The following EVI5L variants were observed in gnomAD, a reference collection of about 807,000 sequenced individuals.
EVI5L encodes ecotropic viral integration site 5 like.
A neutral mutation model predicts 106.1 loss-of-function variants in EVI5L; 30 were observed. The observed-to-expected ratio is 0.28, with a 90% confidence interval of 0.21 to 0.38. The LOEUF is 0.38. Among genes scored for constraint, EVI5L ranks in the 10% least tolerant of loss-of-function variants. EVI5L has a pLI of 1.00. For missense variants in EVI5L, 809 were observed against 1,098.0 expected, an observed-to-expected ratio of 0.74 and a Z score of 3.72; for synonymous variants, 489 against 483.3, an observed-to-expected ratio of 1.01 and a Z score of -0.15.
rs546488739 is a variant in EVI5L at position 7,863,715 on chromosome 19, C to G, written c.*13C>G. On this transcript the variant is annotated 3_prime_UTR_variant, in exon 20 of 20. Transcript: ENST00000538904. The surrounding 1 kb of genome is among the most constrained non-coding windows in gnomAD (Gnocchi z 7.7). Reference sequence around the variant, plus strand: ...TCTGGACAACTGAGGCCATGCCCAGCGCGCCCGGAGTCAGGAGGCCGCAGC... The same window carrying G: ...TCTGGACAACTGAGGCCATGCCCAGGGCGCCCGGAGTCAGGAGGCCGCAGC... The G allele has an allele frequency of 2.1e-5, 31 of 1,452,002 alleles. No individual in the cohort carries two copies. The highest frequency in any genetic ancestry group is 2.8e-5 in the Non-Finnish European group (31 of 1,106,376). 89.9% of individuals were successfully genotyped at this position (1,452,002 alleles called of 1,614,324 possible).
At chr19:7,853,966 C>T (rs1178868880) in intron 10 of EVI5L, among the ~76,000 whole-genome samples, 1 of 152,166 alleles carries the variant, frequency 6.6e-6, no homozygotes, top group Non-Finnish European at 1.5e-5. Context: ...TCCCTTTACA[C>T]GTGATTTTAG....
At position 7,863,393 on chromosome 19, in the gene EVI5L, C is replaced by G. The variant is rs1258302549; in HGVS notation, c.2140-31C>G. 2.0e-6 allele frequency: 3 copies of G among 1,530,750 alleles called. No individual in the cohort carries two copies. Among genetic ancestry groups the G allele is most frequent in the Non-Finnish European group, 2.6e-6 (3 of 1,139,246 alleles). The allele number at this position is 1,530,750 out of a possible 1,614,324, so 94.8% of individuals were successfully genotyped here. ...TGGGAGGGCGGGGCAGAAGGCCGGT[C>G]CACGCCTGCAGCGCCGGTCCCCCGC... On this transcript the variant is annotated intron_variant, in intron 19 of 19. Transcript: ENST00000538904. The surrounding 1 kb of genome is among the most constrained non-coding windows in gnomAD (Gnocchi z 7.7).
In EVI5L at chr19:7,856,760, C is replaced by T. The variant is rs953430115; in HGVS notation, c.1201-332C>T. 6.6e-6 allele frequency among the ~76,000 whole-genome samples: 1 copy of T among 152,136 alleles called. No homozygotes were observed. The highest frequency in any genetic ancestry group is 1.5e-5 in the Non-Finnish European group (1 of 68,006). On this transcript the variant is annotated intron_variant, in intron 11 of 19. Transcript: ENST00000538904. This position sits in a 1 kb window ranked among gnomAD's most constrained non-coding sequence, Gnocchi z 6.6. ...CCGCACGAAGCCAAAAGTCCCCCTG[C>T]CCCCCACAGTTTTTCCAGCCAGCAG...
rs923350215 is a variant in EVI5L, at chr19:7,863,890, G to A, written c.*188G>A. 2 of 768,500 alleles carry A rather than the reference G, an allele frequency of 2.6e-6. No homozygotes were observed. The highest frequency in any genetic ancestry group is 3.1e-5 in the East Asian group (1 of 31,972). The allele number at this position is 768,500 out of a possible 1,614,324, so 47.6% of individuals were successfully genotyped here. Reference sequence around the variant, plus strand: ...CGACCTGGGCTCCTCAGGGCCCCGGGGCAGGCTCTCTATCCCCAGCAGTGT... The same window carrying A: ...CGACCTGGGCTCCTCAGGGCCCCGGAGCAGGCTCTCTATCCCCAGCAGTGT... On this transcript the variant is annotated 3_prime_UTR_variant, in exon 20 of 20. Coordinates refer to ENST00000538904, the MANE Select transcript of EVI5L (RefSeq NM_001159944.3). This position sits in a 1 kb window ranked among gnomAD's most constrained non-coding sequence, Gnocchi z 7.7.
chr19:7,862,360 C>G (rs1245768135), intron 16 of EVI5L, 28 bp from the exon 17 acceptor site: 1 of 1,584,690 alleles, frequency 6.3e-7, no homozygotes, highest in East Asian at 2.3e-5. Context: ...CGCCGCCGTC[C>G]TCCGTCCTCC....
chr19:7,846,389 G>A (rs1194498323), intron 1 of EVI5L, 107 bp from the exon 2 acceptor site: 6 of 1,046,264 alleles, frequency 5.7e-6, no homozygotes, highest in Non-Finnish European at 8.1e-6. Flanking sequence ...ACGGACGGGG[G>A]TGGACCAGAG....
chr19:7,856,119 C>T lies in EVI5L; in HGVS notation c.1200+51C>T. ...CATGGTCGCCATGGGGTGTGACCCA[C>T]CATGCGGGGCATGGCCGCTAACCTG... On this transcript the variant is annotated intron_variant, in intron 11 of 19. Transcript: ENST00000538904. The surrounding 1 kb of genome is among the most constrained non-coding windows in gnomAD (Gnocchi z 6.6). The T allele has an allele frequency of 7.6e-7, 1 of 1,308,194 alleles. No individual in the cohort carries two copies. Among genetic ancestry groups the T allele is most frequent in the Non-Finnish European group, 9.8e-7 (1 of 1,016,362 alleles). 81.0% of individuals were successfully genotyped at this position (1,308,194 alleles called of 1,614,324 possible). A position where few individuals can be genotyped will look rare whatever the true frequency, so the allele number is the denominator to read the frequency against.
chr19:7,849,052 G>C lies in EVI5L; in HGVS notation c.459G>C (p.Leu153=), dbSNP rs201624350. 98 of 1,613,428 alleles carry C rather than the reference G, an allele frequency of 6.1e-5. No individual in the cohort carries two copies. In the East Asian group the frequency reaches 1.2e-3, roughly 20 times the overall value. The change falls in exon 4 of 20, where the codon CTG becomes CTC. Residue 153 remains leucine, a synonymous_variant. Transcript: ENST00000538904. ...LLKMSSPCEK[L]IRRDIARTYP... is the part of the protein sequence containing the mutation. ...AGATGTCCTCGCCGTGCGAGAAGCT[G>C]ATCCGCAGGGACATCGCCCGCACCT...
In EVI5L at chr19:7,839,260, G is replaced by T. The variant is rs553976354; in HGVS notation, c.-47-7236G>T. ...GGAGCTTGCAGTGAGCCGAGATCGC[G>T]CCACTGCACTCCAGCCTGGGCGACA... On this transcript the variant is annotated intron_variant, in intron 1 of 19. Coordinates refer to ENST00000538904, the MANE Select transcript of EVI5L (RefSeq NM_001159944.3). 8.8e-5 allele frequency among the ~76,000 whole-genome samples: 13 copies of T among 147,556 alleles called. No individual in the cohort carries two copies. The South Asian group carries it at 2.8e-3, about 32-fold the overall frequency.
At chr19:7,851,286 G>C (rs1460825623) in intron 6 of EVI5L, 148 bp from the exon 7 acceptor site, 2 of 922,324 alleles carry the variant, frequency 2.2e-6, no homozygotes, top group Non-Finnish European at 1.6e-6. Context: ...CCCTCAGACA[G>C]AGTGCTGAGG....
At position 7,858,122 on chromosome 19, in the gene EVI5L, G is replaced by A. The variant is rs1173724516; in HGVS notation, c.1234-69G>A. On this transcript the variant is annotated intron_variant, in intron 12 of 19. Transcript: ENST00000538904. The surrounding 1 kb of genome is among the most constrained non-coding windows in gnomAD (Gnocchi z 5.7). ...ACTCTCTGGGCCTCCCCCTGTGGCG[G>A]GAGGCAGGGCCTTGGGTGGGAGCCG... 1.3e-6 allele frequency: 2 copies of A among 1,515,180 alleles called. No homozygotes were observed. Among genetic ancestry groups the A allele is most frequent in the Non-Finnish European group, 1.8e-6 (2 of 1,128,044 alleles). 93.9% of individuals were successfully genotyped at this position (1,515,180 alleles called of 1,614,324 possible). A position where few individuals can be genotyped will look rare whatever the true frequency, so the allele number is the denominator to read the frequency against.
intron 1 of EVI5L, among the ~76,000 whole-genome samples, chr19:7,842,987 G>A (rs894748410): frequency 5.9e-5 from 9 of 151,878 alleles, no homozygotes; most frequent in South Asian, 2.1e-4. Flanking sequence ...GGATGAGCAC[G>A]TGTGTTGAGT....
At chr19:7,831,050 C>G (rs1047027803) in intron 1 of EVI5L, among the ~76,000 whole-genome samples, 2 of 151,214 alleles carry the variant, frequency 1.3e-5, no homozygotes, top group Middle Eastern at 3.4e-3. Flanking sequence ...CAAGGGCACC[C>G]CTAAACACCA....
At chr19:7,852,938 C>A in intron 8 of EVI5L, 148 bp from the exon 9 acceptor site, 1 of 722,436 alleles carries the variant, frequency 1.4e-6, no homozygotes, top group Non-Finnish European at 2.4e-6. Context: ...TTCCATTGCT[C>A]CACAAACACT....
chr19:7,856,956 C>A lies in EVI5L; in HGVS notation c.1201-136C>A. 1.1e-6 allele frequency: 1 copy of A among 901,442 alleles called. No homozygotes were observed. The highest frequency in any genetic ancestry group is 1.6e-5 in the African/African-American group (1 of 61,014). 55.8% of individuals were successfully genotyped at this position (901,442 alleles called of 1,614,324 possible). A position where few individuals can be genotyped will look rare whatever the true frequency, so the allele number is the denominator to read the frequency against. On this transcript the variant is annotated intron_variant, in intron 11 of 19. Coordinates refer to ENST00000538904, the MANE Select transcript of EVI5L (RefSeq NM_001159944.3). The surrounding 1 kb of genome is among the most constrained non-coding windows in gnomAD (Gnocchi z 6.6). ...CTCTCCTGCTGGTTCTCTGGTCTTC[C>A]CTCCTCTCTCCCCCGCTTCTAGAGA...
Position 7,851,591 on chromosome 19 carries a change from G to A in EVI5L, c.897+14G>A, listed in dbSNP as rs1293129433. ...TTCATGTATGAGGTGAGGACCGATG[G>A]TGCCTGGGGAGGGAAGAGAGCCCCT... On this transcript the variant is annotated intron_variant, in intron 7 of 19. Transcript: ENST00000538904. 1.2e-6 allele frequency: 2 copies of A among 1,604,796 alleles called. No individual in the cohort carries two copies. Among genetic ancestry groups the A allele is most frequent in the South Asian group, 2.2e-5 (2 of 89,462 alleles).
intron 1 of EVI5L, among the ~76,000 whole-genome samples, chr19:7,842,878 T>A (rs546844764): frequency 6.6e-6 from 1 of 151,864 alleles, no homozygotes; most frequent in East Asian, 1.9e-4. Flanking sequence ...TATGTGTGAA[T>A]GTGCATGGGT....
rs1445006029 is a variant in EVI5L, at chr19:7,848,190, C to T, written c.327+269C>T. On this transcript the variant is annotated intron_variant, in intron 3 of 19. Coordinates refer to ENST00000538904, the MANE Select transcript of EVI5L (RefSeq NM_001159944.3). This position sits in a 1 kb window ranked among gnomAD's most constrained non-coding sequence, Gnocchi z 4.8. Reference sequence around the variant, plus strand: ...TGAAGGATGGGGGTGTGGTGGCTCACGCCTGGAATCTCAGCACTTTGGGCG... The same window carrying T: ...TGAAGGATGGGGGTGTGGTGGCTCATGCCTGGAATCTCAGCACTTTGGGCG... Among the ~76,000 whole-genome samples, 2 of 152,062 alleles carry T rather than the reference C, an allele frequency of 1.3e-5. No individual in the cohort carries two copies. Among genetic ancestry groups the T allele is most frequent in the Non-Finnish European group, 2.9e-5 (2 of 68,020 alleles).
At chr19:7,833,787 T>C (rs572253904) in intron 1 of EVI5L, among the ~76,000 whole-genome samples, 5 of 152,146 alleles carry the variant, frequency 3.3e-5, no homozygotes, top group Middle Eastern at 3.4e-3. Flanking sequence ...GGATCCCTAG[T>C]TGGGAGAACT....
Sources: gnomAD v4.1 joint callset for allele counts (sites outside exome capture counted in the v4.1 genomes callset) on GRCh38, gnomAD v4.1.1 for gene constraint, Gnocchi (gnomAD v3.1) non-coding constraint, MANE v1.5 for transcripts, NCBI Gene and HGNC (gene_info 2026-07-23, HGNC 2026-07-21) for gene names.